PCDH17: variants seen among roughly 807,000 people sequenced by gnomAD.
The protein encoded by PCDH17 is protocadherin-17.
PCDH17 carries 21 observed loss-of-function variants against 67.7 expected under a neutral mutation model. The ratio of observed to expected loss-of-function variants is 0.31; its 90% CI spans 0.22 to 0.45. The LOEUF (loss-of-function observed/expected upper bound fraction) is 0.45. Ranked by LOEUF, PCDH17 falls within the 20% of genes least tolerant of loss-of-function variation. The probability of loss-of-function intolerance (pLI) is 1.00; values close to 1 mark genes in which losing one functional copy is unlikely to be tolerated. For synonymous variants in PCDH17, 701 were observed against 656.7 expected (o/e 1.07, Z -1.03); for missense variants, 1,471 against 1,564.8 (o/e 0.94, Z 1.01).
At chr13:57,665,192 A>G (rs142515245) in intron 1 of PCDH17, among the ~76,000 whole-genome samples, 1 of 101,242 alleles carries the variant, frequency 9.9e-6, no homozygotes, top group African/African-American at 4.2e-5. Flanking sequence ...TTCTGTCCCC[A>G]AACTTGACAA....
intron 3 of PCDH17, among the ~76,000 whole-genome samples, chr13:57,687,274 A>G (rs1412465120): frequency 6.6e-6 from 1 of 152,062 alleles, no homozygotes; most frequent in Admixed American, 6.6e-5. Flanking sequence ...GGTTGGAATT[A>G]AGGAATTTGA....
In PCDH17 at chr13:57,724,746, G is replaced by A. The variant is rs1441382905; in HGVS notation, c.2932G>A (p.Val978Ile). Residue 978 changes from valine to isoleucine, a missense_variant, in exon 4 of 4, where the codon GTT becomes ATT. Val to Ile is a conservative substitution (Grantham distance 29, BLOSUM62 3). Around this residue, in one of 3 missense-constraint regions of PCDH17, gnomAD observed 297 missense variants for 298.6 expected, o/e 0.99. Coordinates refer to ENST00000377918, the MANE Select transcript of PCDH17 (RefSeq NM_001040429.3). ...DYRTNLFVPT[V>I]EANVETETYE... is the part of the protein sequence containing the mutation. ...CCGCACAAATCTCTTTGTACCTACA[G>A]TTGAAGCTAATGTTGAGACTGAGAC... 2 of 1,614,040 alleles carry A rather than the reference G, an allele frequency of 1.2e-6. No homozygotes were observed. The highest frequency in any genetic ancestry group is 2.7e-5 in the African/African-American group (2 of 74,918).
intron 1 of PCDH17, among the ~76,000 whole-genome samples, chr13:57,637,844 G>T (rs1426812620): frequency 6.6e-6 from 1 of 152,010 alleles, no homozygotes; most frequent in Non-Finnish European, 1.5e-5. Context: ...AAAGCATTTT[G>T]TGTGGGTCAA....
chr13:57,706,318 G>A (rs1052899401), intron 3 of PCDH17, among the ~76,000 whole-genome samples: 1 of 152,014 alleles, frequency 6.6e-6, no homozygotes, highest in Admixed American at 6.6e-5. Context: ...ACCATAAAAT[G>A]GAAGACAAAA....
intron 3 of PCDH17, among the ~76,000 whole-genome samples, chr13:57,721,778 C>A (rs1000189200): frequency 6.6e-6 from 1 of 152,016 alleles, no homozygotes; most frequent in Non-Finnish European, 1.5e-5. Flanking sequence ...TGCTTCTTTC[C>A]CTTTCTACTT....
chr13:57,634,950 A>G lies in PCDH17; in HGVS notation c.2404A>G (p.Thr802Ala). 6.2e-7 allele frequency: 1 copy of G among 1,610,940 alleles called. No homozygotes were observed. Among genetic ancestry groups the G allele is most frequent in the Non-Finnish European group, 8.5e-7 (1 of 1,179,182 alleles). Residue 802 changes from threonine to alanine, a missense_variant, in exon 1 of 4, where the codon ACC becomes GCC. By Grantham distance (58) the Thr-to-Ala change is moderately conservative. Transcript: ENST00000377918. This position sits in a 1 kb window ranked among gnomAD's most constrained non-coding sequence, Gnocchi z 7.8. Reference sequence around the variant, plus strand: ...CTCCCCCATGTACTTCGACTACCAGACCCGCCTGCCCCTCAGCTCGCCCCG... The same window carrying G: ...CTCCCCCATGTACTTCGACTACCAGGCCCGCCTGCCCCTCAGCTCGCCCCG... ...ATSPMYFDYQ[T>A]RLPLSSPRSE...
intron 1 of PCDH17, among the ~76,000 whole-genome samples, chr13:57,647,506 C>T (rs1468980164): frequency 6.6e-6 from 1 of 151,612 alleles, no homozygotes; most frequent in South Asian, 2.1e-4. Flanking sequence ...TGATATTTAT[C>T]ACCAGATAAA....
intron 3 of PCDH17, among the ~76,000 whole-genome samples, chr13:57,709,047 A>C (rs144997103): frequency 2.6e-5 from 4 of 151,680 alleles, no homozygotes; most frequent in African/African-American, 9.6e-5. Context: ...TTTGTATTAC[A>C]TACATGTTTC....
intron 3 of PCDH17, among the ~76,000 whole-genome samples, chr13:57,671,668 A>G (rs991121068): frequency 6.6e-6 from 1 of 152,124 alleles, no homozygotes; most frequent in African/African-American, 2.4e-5. Flanking sequence ...AGTCCTTATA[A>G]GTGCTTACCA....
Position 57,633,889 on chromosome 13 carries a change from G to A in PCDH17, c.1343G>A (p.Gly448Asp), listed in dbSNP as rs1160706757. ...YNVTIVARDGGSPPLNSTKSF... is the reference protein window; with the variant it reads ...YNVTIVARDGDSPPLNSTKSF... The stretch of plus-strand genomic sequence containing the variant: ...GTGACCATCGTGGCGCGGGACGGGG[G>A]CTCTCCTCCCCTCAACTCCACCAAG... The change falls in exon 1 of 4, where the codon GGC becomes GAC. Residue 448 changes from glycine to aspartate, a missense_variant. Coordinates refer to ENST00000377918, the MANE Select transcript of PCDH17 (RefSeq NM_001040429.3). This position sits in a 1 kb window ranked among gnomAD's most constrained non-coding sequence, Gnocchi z 6.2. 2 of 1,613,152 alleles carry A rather than the reference G, an allele frequency of 1.2e-6. No individual in the cohort carries two copies. The highest frequency in any genetic ancestry group is 1.3e-5 in the African/African-American group (1 of 75,056).
At position 57,632,588 on chromosome 13, in the gene PCDH17, T is replaced by G; in HGVS notation, c.42T>G (p.Pro14=). 3 of 1,613,460 alleles carry G rather than the reference T, an allele frequency of 1.9e-6. No individual in the cohort carries two copies. Among genetic ancestry groups the G allele is most frequent in the Non-Finnish European group, 2.5e-6 (3 of 1,179,518 alleles). The change falls in exon 1 of 4, where the codon CCT becomes CCG. Residue 14 remains proline, a synonymous_variant. Coordinates refer to ENST00000377918, the MANE Select transcript of PCDH17 (RefSeq NM_001040429.3). ...GTTGCTGCTTTCTTCTATGGGCCCC[T>G]GCCCTCACTCTCAAGAACCTCAACT... ...SICCCFLLWA[P]ALTLKNLNYS... is the part of the protein sequence containing the mutation.
At chr13:57,702,947 G>GT (rs1955681563) in intron 3 of PCDH17, among the ~76,000 whole-genome samples, 1 of 152,126 alleles carries the variant, frequency 6.6e-6, no homozygotes, top group African/African-American at 2.4e-5. Flanking sequence ...GCAAAAGTAT[G>GT]TAAGTGTTTG....
chr13:57,634,151 C>T lies in PCDH17; in HGVS notation c.1605C>T (p.Tyr535=), dbSNP rs143619660. The change falls in exon 1 of 4, where the codon TAC becomes TAT. Residue 535 remains tyrosine, a synonymous_variant. Coordinates refer to ENST00000377918, the MANE Select transcript of PCDH17 (RefSeq NM_001040429.3). This position sits in a 1 kb window ranked among gnomAD's most constrained non-coding sequence, Gnocchi z 7.8. ...VSVNPTNGAI[Y]ALRSFNFEQT... ...TGAATCCCACGAACGGGGCCATCTACGCCCTGCGCTCCTTTAACTTCGAGC... is the reference window on the plus strand; with the variant it reads ...TGAATCCCACGAACGGGGCCATCTATGCCCTGCGCTCCTTTAACTTCGAGC... 205 of 1,613,570 alleles carry T rather than the reference C, an allele frequency of 1.3e-4. No homozygotes were observed. The highest frequency in any genetic ancestry group is 1.6e-4 in the Non-Finnish European group (185 of 1,180,050).
At chr13:57,699,690 C>T (rs948774255) in intron 3 of PCDH17, among the ~76,000 whole-genome samples, 1 of 151,662 alleles carries the variant, frequency 6.6e-6, no homozygotes, top group African/African-American at 2.4e-5. Flanking sequence ...CTTAACATTT[C>T]CCTATTTCTG....
chr13:57,707,053 A>G (rs553152743), intron 3 of PCDH17, among the ~76,000 whole-genome samples: 1 of 152,230 alleles, frequency 6.6e-6, no homozygotes, highest in South Asian at 2.1e-4. Flanking sequence ...AAACTCAAGT[A>G]CTTTTGCACC....
At position 57,694,451 on chromosome 13, in the gene PCDH17, G is replaced by A. The variant is rs186891418; in HGVS notation, c.2797+27618G>A. ...TTGTCCCTTTTAGCCCTGTGCATTC[G>A]TGTATATACAAGGGTTCCTCCTATT... On this transcript the variant is annotated intron_variant, in intron 3 of 3. Coordinates refer to ENST00000377918, the MANE Select transcript of PCDH17 (RefSeq NM_001040429.3). 1.0e-3 allele frequency among the ~76,000 whole-genome samples: 158 copies of A among 151,086 alleles called. 2 individuals are homozygous for A. Among genetic ancestry groups the A allele is most frequent in the South Asian group, 6.2e-3 (30 of 4,816 alleles).
chr13:57,724,281 G>C (rs375684564), intron 3 of PCDH17, among the ~76,000 whole-genome samples: 8 of 152,234 alleles, frequency 5.3e-5, no homozygotes, highest in African/African-American at 1.9e-4. Context: ...TCTAGGATGA[G>C]TTATACAGAA....
At chr13:57,688,710 A>G (rs1955529594) in intron 3 of PCDH17, among the ~76,000 whole-genome samples, 1 of 152,094 alleles carries the variant, frequency 6.6e-6, no homozygotes. Flanking sequence ...ATGTAAGATC[A>G]GGAATTAAAA....
rs955882019 is a variant in PCDH17 at position 57,699,741 on chromosome 13, A to T, written c.2798-24871A>T. The stretch of plus-strand genomic sequence containing the variant: ...ATTGTTTCTCTCAAAAATGATAAAG[A>T]TCTTCTACCGCATTTTTTCATGTAC... On this transcript the variant is annotated intron_variant, in intron 3 of 3. Transcript: ENST00000377918. 4.7e-4 allele frequency among the ~76,000 whole-genome samples: 71 copies of T among 152,116 alleles called. 1 individual carries two copies. The highest frequency in any genetic ancestry group is 1.7e-3 in the African/African-American group (71 of 41,530).
Sources: gnomAD v4.1 joint callset for allele counts (sites outside exome capture counted in the v4.1 genomes callset) on GRCh38, gnomAD v4.1.1 for gene constraint, gnomAD v4.1.1 regional missense constraint, Gnocchi (gnomAD v3.1) non-coding constraint, MANE v1.5 for transcripts, NCBI Gene and HGNC (gene_info 2026-07-23, HGNC 2026-07-21) for gene names.